Variants in CEP112 observed in about 807,000 individuals in gnomAD.
CEP112 encodes the protein centrosomal protein 112, also known as centrosomal protein of 112 kDa.
Under a neutral mutation model 153.0 loss-of-function variants are expected in CEP112, and 127 were observed. That is an observed-to-expected ratio of 0.83 (90% CI 0.72 to 0.96). CEP112 has a LOEUF of 0.96. CEP112 is among the 40% of genes least tolerant of loss of function. The pLI is 0.00. For synonymous variants in CEP112, 358 were observed against 374.4 expected, an observed-to-expected ratio of 0.96 and a Z score of 0.51; for missense variants, 1,089 against 1,101.2, an observed-to-expected ratio of 0.99 and a Z score of 0.16.
intron 21 of CEP112, among the ~76,000 whole-genome samples, chr17:65,845,261 G>GTGA (rs1489457510): frequency 5.9e-5 from 9 of 152,186 alleles, no homozygotes; most frequent in Admixed American, 5.9e-4. Flanking sequence ...GGAGGTTGTG[G>GTGA]TGAGTCGAGA....
chr17:65,957,201 G>A (rs2062030988), intron 18 of CEP112, among the ~76,000 whole-genome samples: 2 of 151,952 alleles, frequency 1.3e-5, no homozygotes, highest in Non-Finnish European at 2.9e-5. Context: ...TGTACTTATT[G>A]GAATAAAATG....
At chr17:65,678,609 A>G (rs568718498) in intron 24 of CEP112, among the ~76,000 whole-genome samples, 1 of 152,220 alleles carries the variant, frequency 6.6e-6, no homozygotes, top group Non-Finnish European at 1.5e-5. Context: ...CTGGCTTTGA[A>G]CCCTCCAGTC....
intron 24 of CEP112, among the ~76,000 whole-genome samples, chr17:65,657,890 G>C (rs1357341144): frequency 2.0e-5 from 3 of 152,190 alleles, no homozygotes; most frequent in African/African-American, 7.2e-5. Flanking sequence ...GTTTTAATGA[G>C]TAAAAGGCTG....
intron 4 of CEP112, among the ~76,000 whole-genome samples, chr17:66,156,652 T>C (rs1423070202): frequency 6.6e-6 from 1 of 152,048 alleles, no homozygotes. Context: ...TTAGAGGAAT[T>C]GCTGACTAGA....
rs751313319 is a variant in CEP112, at chr17:65,852,043, T to C, written c.2164-9A>G. ...TCCATGTCGGCAATAACCTTGTTTTTAAAAATGGAAAAATGGGCAGAAGAT... is the reference window on the plus strand; with the variant it reads ...TCCATGTCGGCAATAACCTTGTTTTCAAAAATGGAAAAATGGGCAGAAGAT... On this transcript the variant is annotated splice_polypyrimidine_tract_variant and intron_variant, in intron 20 of 26. Transcript: ENST00000535342. The C allele has an allele frequency of 1.3e-6, 2 of 1,586,320 alleles. No individual in the cohort carries two copies. Among genetic ancestry groups the C allele is most frequent in the African/African-American group, 1.4e-5 (1 of 73,490 alleles).
intron 6 of CEP112, among the ~76,000 whole-genome samples, chr17:66,124,181 G>A (rs1211582619): frequency 2.6e-5 from 4 of 152,144 alleles, no homozygotes; most frequent in Non-Finnish European, 5.9e-5. Flanking sequence ...TTCCACACAT[G>A]TCCACCTTGG....
intron 21 of CEP112, among the ~76,000 whole-genome samples, chr17:65,771,769 C>T (rs1441842389): frequency 1.3e-5 from 2 of 152,024 alleles, no homozygotes; most frequent in African/African-American, 2.4e-5. Flanking sequence ...AATCCCAGTG[C>T]TTTGGGAGGC....
At chr17:66,138,545 G>A (rs1198713478) in intron 4 of CEP112, among the ~76,000 whole-genome samples, 3 of 152,108 alleles carry the variant, frequency 2.0e-5, no homozygotes, top group Non-Finnish European at 4.4e-5. Context: ...AATATTAAAA[G>A]GTGAAAATCG....
intron 17 of CEP112, among the ~76,000 whole-genome samples, chr17:65,970,285 T>C (rs1338727197): frequency 1.3e-5 from 2 of 149,558 alleles, no homozygotes; most frequent in Non-Finnish European, 3.0e-5. Context: ...GTATGTAGCA[T>C]GGATGTCATA....
intron 10 of CEP112, among the ~76,000 whole-genome samples, chr17:66,064,245 T>C (rs11079639): frequency 1 from 152,280 of 152,336 alleles, 76,112 homozygotes; most frequent in Middle Eastern, 1. Flanking sequence ...CAAAAAGACG[T>C]GTACTGAATG....
intron 17 of CEP112, among the ~76,000 whole-genome samples, chr17:65,989,496 AC>A: frequency 6.6e-6 from 1 of 151,852 alleles, no homozygotes; most frequent in Non-Finnish European, 1.5e-5. Flanking sequence ...AAACTGTCAT[AC>A]AAAAATGCTA....
At chr17:66,152,416 GC>G (rs2071249135) in intron 4 of CEP112, among the ~76,000 whole-genome samples, 1 of 152,118 alleles carries the variant, frequency 6.6e-6, no homozygotes, top group South Asian at 2.1e-4. Context: ...AAGTGCTGTC[GC>G]TCTTAGGTGC....
chr17:66,120,046 A>G (rs2069500963), intron 6 of CEP112, among the ~76,000 whole-genome samples: 1 of 152,210 alleles, frequency 6.6e-6, no homozygotes, highest in South Asian at 2.1e-4. Flanking sequence ...AGATATGTGA[A>G]TATCTCCCTA....
At chr17:65,810,819 T>C (rs2055905193) in intron 21 of CEP112, among the ~76,000 whole-genome samples, 1 of 152,136 alleles carries the variant, frequency 6.6e-6, no homozygotes, top group Non-Finnish European at 1.5e-5. Context: ...AGTGTACTAG[T>C]GAAGACCTTA....
intron 8 of CEP112, among the ~76,000 whole-genome samples, chr17:66,074,816 T>C (rs2067426431): frequency 7.1e-6 from 1 of 140,334 alleles, no homozygotes; most frequent in Non-Finnish European, 1.5e-5. Context: ...TGAGCCAAGA[T>C]CGTGCCACTG....
At chr17:65,911,550 T>G (rs1360841962) in intron 19 of CEP112, among the ~76,000 whole-genome samples, 1 of 152,146 alleles carries the variant, frequency 6.6e-6, no homozygotes, top group Non-Finnish European at 1.5e-5. Context: ...CCATTTCCAC[T>G]GGGCACAGTG....
At chr17:66,106,229 A>T (rs2068776300) in intron 6 of CEP112, among the ~76,000 whole-genome samples, 1 of 152,140 alleles carries the variant, frequency 6.6e-6, no homozygotes, top group Non-Finnish European at 1.5e-5. Flanking sequence ...AAACAACCTA[A>T]TGATACATCT....
At chr17:65,864,614 G>A (rs1246877104) in intron 20 of CEP112, among the ~76,000 whole-genome samples, 4 of 152,182 alleles carry the variant, frequency 2.6e-5, no homozygotes, top group Admixed American at 1.3e-4. Context: ...CTGAGAGCAC[G>A]ATGTCACAGA....
intron 18 of CEP112, among the ~76,000 whole-genome samples, chr17:65,944,118 A>G (rs1434894795): frequency 1.1e-4 from 16 of 152,184 alleles, no homozygotes; most frequent in Admixed American, 9.8e-4. Context: ...ACAGAAAACC[A>G]AACACTGCAT....
Sources: allele counts gnomAD v4.1 joint callset (sites outside exome capture counted in the v4.1 genomes callset), GRCh38; gene constraint gnomAD v4.1.1; transcripts MANE v1.5; gene names NCBI Gene and HGNC (gene_info 2026-07-23, HGNC 2026-07-21).